Variants in ASIC2 observed in about 807,000 individuals in gnomAD.
ASIC2 encodes acid-sensing ion channel 2.
A neutral mutation model predicts 57.3 loss-of-function variants in ASIC2; 25 were observed. That is an observed-to-expected ratio of 0.44 (90% CI 0.32 to 0.61). The LOEUF is 0.61. Ranked by LOEUF, ASIC2 falls within the 20% of genes least tolerant of loss-of-function variation. The pLI is 0.06. For synonymous variants in ASIC2, 319 were observed against 307.5 expected (o/e 1.04, Z -0.39); for missense variants, 641 against 738.1 (o/e 0.87, Z 1.52).
intron 4 of ASIC2, among the ~76,000 whole-genome samples, chr17:33,027,920 G>A (rs2091865705): frequency 6.6e-6 from 1 of 152,190 alleles, no homozygotes; most frequent in Non-Finnish European, 1.5e-5. Context: ...TGTACTACAC[G>A]AGCTGCAAGA....
chr17:34,076,270 G>T (rs1461781364), intron 1 of ASIC2, among the ~76,000 whole-genome samples: 2 of 152,104 alleles, frequency 1.3e-5, no homozygotes. Context: ...CTCCCAAAGT[G>T]CTGGGATTAC....
rs1909961141 is a variant in ASIC2, at chr17:34,083,141, T to G, written c.555+72837A>C. 3.3e-5 allele frequency among the ~76,000 whole-genome samples: 5 copies of G among 151,036 alleles called. No individual in the cohort carries two copies. In the South Asian group the frequency reaches 1.1e-3, roughly 32 times the overall value. ...CACCCACTAACTCGTCATCTAGCAT[T>G]AGGTATATCTCCCAGTGCTATCCCT... On this transcript the variant is annotated intron_variant, in intron 1 of 9. Transcript: ENST00000359872.
intron 1 of ASIC2, among the ~76,000 whole-genome samples, chr17:33,646,292 G>T (rs1283069743): frequency 6.6e-6 from 1 of 152,176 alleles, no homozygotes. Flanking sequence ...ATTATGGATT[G>T]TGGGCATAAG....
At chr17:33,480,426 T>G (rs1913366212) in intron 1 of ASIC2, among the ~76,000 whole-genome samples, 1 of 151,950 alleles carries the variant, frequency 6.6e-6, no homozygotes, top group African/African-American at 2.4e-5. Flanking sequence ...GAGACTGGGG[T>G]GGAGTCTGCA....
intron 1 of ASIC2, among the ~76,000 whole-genome samples, chr17:33,538,171 C>T (rs976157629): frequency 1.1e-4 from 16 of 152,192 alleles, no homozygotes; most frequent in Non-Finnish European, 1.6e-4. Flanking sequence ...TAAATGATCA[C>T]TCTTTTTATT....
At chr17:33,443,952 A>C (rs1911922172) in intron 1 of ASIC2, among the ~76,000 whole-genome samples, 1 of 152,132 alleles carries the variant, frequency 6.6e-6, no homozygotes, top group Non-Finnish European at 1.5e-5. Flanking sequence ...CCTACCCAGC[A>C]CTTGCGCTCA....
rs138683309 is a variant in ASIC2, at chr17:33,091,079, T to C, written c.860-2089A>G. Reference sequence around the variant, plus strand: ...GTCAATCTCTCCTATTGATGGTGAATTCCTCAAGAGAGACCATATTTTATT... The same window carrying C: ...GTCAATCTCTCCTATTGATGGTGAACTCCTCAAGAGAGACCATATTTTATT... On this transcript the variant is annotated intron_variant, in intron 2 of 9. Coordinates refer to ENST00000225823, the MANE Select transcript of ASIC2 (RefSeq NM_183377.2). Among the ~76,000 whole-genome samples the C allele has an allele frequency of 5.1e-4, 77 of 152,304 alleles. 1 individual carries two copies. Among genetic ancestry groups the C allele is most frequent in the African/African-American group, 1.7e-3 (72 of 41,570 alleles).
At chr17:33,720,971 C>A in intron 1 of ASIC2, among the ~76,000 whole-genome samples, 1 of 152,268 alleles carries the variant, frequency 6.6e-6, no homozygotes, top group Non-Finnish European at 1.5e-5. Flanking sequence ...TGAAATGGAG[C>A]AAATACTGTC....
chr17:34,085,343 C>A (rs1372182271), intron 1 of ASIC2, among the ~76,000 whole-genome samples: 1 of 152,084 alleles, frequency 6.6e-6, no homozygotes, highest in Non-Finnish European at 1.5e-5. Flanking sequence ...ATTACATTTA[C>A]TGATTTGTGT....
At chr17:33,400,318 T>G (rs10853155) in intron 1 of ASIC2, among the ~76,000 whole-genome samples, 74,382 of 152,040 alleles carry the variant, frequency 0.49, 18,412 homozygotes, top group South Asian at 0.54. Flanking sequence ...TCAGGGAATC[T>G]GTCAGGGTCT....
intron 1 of ASIC2, among the ~76,000 whole-genome samples, chr17:34,020,027 C>G (rs920106221): frequency 6.6e-6 from 1 of 152,186 alleles, no homozygotes; most frequent in Non-Finnish European, 1.5e-5. Context: ...TCCTGCCACA[C>G]GCTTTGGCCA....
chr17:33,878,981 C>T (rs2951662), intron 1 of ASIC2, among the ~76,000 whole-genome samples: 39,070 of 151,844 alleles, frequency 0.26, 5,186 homozygotes, highest in Middle Eastern at 0.36. Flanking sequence ...GAATTTTCAA[C>T]CCAGAATTTC....
chr17:33,629,468 A>G (rs1906092930), intron 1 of ASIC2, among the ~76,000 whole-genome samples: 1 of 152,232 alleles, frequency 6.6e-6, no homozygotes. Flanking sequence ...TAAAGTATCT[A>G]TAAAAATAGA....
chr17:33,231,846 G>A (rs1248171580), intron 1 of ASIC2, among the ~76,000 whole-genome samples: 1 of 152,200 alleles, frequency 6.6e-6, no homozygotes, highest in African/African-American at 2.4e-5. Flanking sequence ...AACAATGTTT[G>A]CTCAAAATTG....
intron 2 of ASIC2, among the ~76,000 whole-genome samples, chr17:33,096,985 G>A (rs1364735655): frequency 6.6e-6 from 1 of 152,228 alleles, no homozygotes; most frequent in East Asian, 1.9e-4. Flanking sequence ...ACCCTTAGAG[G>A]TAGGTGCCCC....
intron 1 of ASIC2, among the ~76,000 whole-genome samples, chr17:33,675,647 C>T (rs3103661): frequency 0.17 from 26,063 of 152,174 alleles, 2,340 homozygotes; most frequent in African/African-American, 0.2. Flanking sequence ...TCAAGGCTCA[C>T]TGCAACCTCT....
chr17:33,386,898 C>T (rs538939814), intron 1 of ASIC2, among the ~76,000 whole-genome samples: 39 of 152,146 alleles, frequency 2.6e-4, no homozygotes, highest in Non-Finnish European at 5.0e-4. Context: ...CTGAGTGGCT[C>T]GTGTGTGACT....
chr17:33,891,587 A>C (rs1307940328), intron 1 of ASIC2, among the ~76,000 whole-genome samples: 1 of 152,212 alleles, frequency 6.6e-6, no homozygotes, highest in African/African-American at 2.4e-5. Context: ...CAGTCACTTT[A>C]GGTTAATCCC....
chr17:33,970,232 C>T (rs1393827293), intron 1 of ASIC2, among the ~76,000 whole-genome samples: 1 of 152,170 alleles, frequency 6.6e-6, no homozygotes, highest in African/African-American at 2.4e-5. Context: ...CAGACATTAT[C>T]AAATGTCCCC....
Sources: allele counts gnomAD v4.1 joint callset (sites outside exome capture counted in the v4.1 genomes callset), GRCh38; gene constraint gnomAD v4.1.1; transcripts MANE v1.5; gene names NCBI Gene and HGNC (gene_info 2026-07-23, HGNC 2026-07-21).